The following FDPS variants were observed in gnomAD, a reference collection of about 807,000 sequenced individuals.
FDPS encodes farnesyl pyrophosphate synthase.
FDPS carries 29 observed loss-of-function variants against 49.5 expected under a neutral mutation model. The observed-to-expected ratio is 0.59, with a 90% CI of 0.44 to 0.80. FDPS has a LOEUF of 0.80. Among genes scored for constraint, FDPS ranks in the 30% least tolerant of loss-of-function variants. The pLI, the probability that FDPS is intolerant of heterozygous loss-of-function variation, is 0.00. For synonymous variants in FDPS, 172 were observed against 206.4 expected, an observed-to-expected ratio of 0.83 and a Z score of 1.43; for missense variants, 414 against 525.6, an observed-to-expected ratio of 0.79 and a Z score of 2.08.
chr1:155,309,915 G>T lies in FDPS; in HGVS notation c.126G>T (p.Leu42=). The T allele has an allele frequency of 1.2e-6, 2 of 1,602,170 alleles. No individual in the cohort carries two copies. The highest frequency in any genetic ancestry group is 2.2e-5 in the East Asian group (1 of 44,494). ...RPSLVHGYPV[L]AWHSARCWCQ... is the part of the protein sequence containing the mutation. ...CCCTGGTGCACGGGTACCCAGTCCTGGCCTGGCACAGTGCCCGCTGCTGGT... is the reference window on the plus strand; with the variant it reads ...CCCTGGTGCACGGGTACCCAGTCCTTGCCTGGCACAGTGCCCGCTGCTGGT... Residue 42 remains leucine, a synonymous_variant, in exon 2 of 11, where the codon CTG becomes CTT. Coordinates refer to ENST00000368356, the MANE Select transcript of FDPS (RefSeq NM_002004.4).
intron 1 of FDPS, 46 bp from the exon 2 acceptor site, chr1:155,309,743 G>C: frequency 6.9e-7 from 1 of 1,450,260 alleles, no homozygotes; most frequent in South Asian, 1.5e-5. Context: ...TTTGGTGCTT[G>C]CCCCTGCAGG....
intron 4 of FDPS, chr1:155,316,825 C>A (rs1227936121): frequency 6.6e-6 from 1 of 151,806 alleles, no homozygotes; most frequent in East Asian, 1.9e-4. Flanking sequence ...TTTAAGGAAC[C>A]AAAACATAGT....
chr1:155,319,738 C>T (rs773777378), intron 9 of FDPS, 50 bp downstream of exon 9: 6 of 1,614,028 alleles, frequency 3.7e-6, no homozygotes, highest in South Asian at 1.1e-5. Flanking sequence ...CTTCACTCCT[C>T]CTCTGCCCAG....
chr1:155,316,733 G>A (rs563738480), intron 4 of FDPS: 44 of 151,668 alleles, frequency 2.9e-4, no homozygotes, highest in African/African-American at 9.5e-4. Context: ...GGAGGTTACA[G>A]TGAACCCACA....
intron 4 of FDPS, among the ~76,000 whole-genome samples, chr1:155,314,731 C>T (rs1249527891): frequency 6.6e-6 from 1 of 151,602 alleles, no homozygotes; most frequent in Non-Finnish European, 1.5e-5. Flanking sequence ...CTGCCTCGGC[C>T]TCCCAGAGTA....
intron 8 of FDPS, 129 bp from the exon 9 acceptor site, chr1:155,319,482 G>T (rs1649979826): frequency 4.3e-6 from 4 of 935,560 alleles, no homozygotes; most frequent in Non-Finnish European, 5.0e-6. Flanking sequence ...TCTAGGTCAG[G>T]GAAGCCAAGA....
At chr1:155,314,901 G>A (rs565829996) in intron 4 of FDPS, among the ~76,000 whole-genome samples, 1 of 152,204 alleles carries the variant, frequency 6.6e-6, no homozygotes, top group South Asian at 2.1e-4. Flanking sequence ...GACCATCATG[G>A]TTGAGTGGTG....
chr1:155,319,998 C>A, intron 10 of FDPS, 70 bp downstream of exon 10: 1 of 1,552,384 alleles, frequency 6.4e-7, no homozygotes, highest in Non-Finnish European at 8.8e-7. Context: ...CAACTAGAGG[C>A]AGTTTTCCTC....
chr1:155,312,319 G>A lies in FDPS; in HGVS notation c.404G>A (p.Arg135Gln), dbSNP rs11556432. The stretch of plus-strand genomic sequence containing the variant: ...GGTTTGACGGTGGTAGTAGCATTCC[G>A]GGAGCTGGTGGAGCCAAGGAAACAG... ...NRGLTVVVAF[R>Q]ELVEPRKQDA... Residue 135 changes from arginine to glutamine, a missense_variant, in exon 4 of 11, where the codon CGG becomes CAG. Coordinates refer to ENST00000368356, the MANE Select transcript of FDPS (RefSeq NM_002004.4). The A allele has an allele frequency of 5.6e-6, 9 of 1,614,106 alleles. No individual in the cohort carries two copies. The highest frequency in any genetic ancestry group is 6.8e-6 in the Non-Finnish European group (8 of 1,180,016).
At chr1:155,315,239 A>G in intron 4 of FDPS, among the ~76,000 whole-genome samples, 1 of 152,202 alleles carries the variant, frequency 6.6e-6, no homozygotes, top group East Asian at 1.9e-4. Context: ...GGATGGGATA[A>G]AGTCTTAAAA....
In FDPS at chr1:155,318,484, A is replaced by G. The variant is rs1335702565; in HGVS notation, c.685-181A>G. ...GGCTTCTCTGTCCTGTGTAATTGGA[A>G]GAAAGGGTGATAAAGGACTGTGTGT... On this transcript the variant is annotated intron_variant, in intron 6 of 10. Transcript: ENST00000368356. The surrounding 1 kb of genome is among the most constrained non-coding windows in gnomAD (Gnocchi z 4.2). 1 of 825,274 alleles carries G rather than the reference A, an allele frequency of 1.2e-6. No individual in the cohort carries two copies. Among genetic ancestry groups the G allele is most frequent in the East Asian group, 2.6e-5 (1 of 38,364 alleles). 51.1% of individuals were successfully genotyped at this position (825,274 alleles called of 1,614,324 possible).
At position 155,309,783 on chromosome 1, in the gene FDPS, TCCCAGGATGC is replaced by T. The variant is rs1648586289; in HGVS notation, c.-1-2_7del. ...GCTTAGTGCCCCCTCCCTATGCCAC[TCCCAGGATGC>T]CCCTGTCCCGCTGGTTGAGATCTGT... is the stretch of plus-strand genomic sequence containing the variant. On this transcript the variant is annotated splice_acceptor_variant and splice_polypyrimidine_tract_variant and coding_sequence_variant and 5_prime_UTR_variant and intron_variant, in exon 2 of 11. Coordinates refer to ENST00000368356, the MANE Select transcript of FDPS (RefSeq NM_002004.4). LOFTEE classifies it high-confidence loss of function. 1.3e-6 allele frequency: 2 copies of T among 1,537,234 alleles called. No individual in the cohort carries two copies.
At chr1:155,320,368 G>GGAA in intron 10 of FDPS, 41 bp from the exon 11 acceptor site, 1 of 1,566,012 alleles carries the variant, frequency 6.4e-7, no homozygotes, top group South Asian at 1.1e-5. Flanking sequence ...GAGGCTCTGG[G>GGAA]GAAGGCCAAG....
rs1404325781 is a variant in FDPS, at chr1:155,315,455, G to A, written c.481-2486G>A. Among the ~76,000 whole-genome samples the A allele has an allele frequency of 7.2e-5, 11 of 152,050 alleles. No individual in the cohort carries two copies. In the East Asian group the frequency reaches 1.4e-3, roughly 19 times the overall value. ...AGCACTTTGGGAGGCTGAGGCGGGC[G>A]GATCATGAAGTCAGGAGATCGAGAC... On this transcript the variant is annotated intron_variant, in intron 4 of 10. Coordinates refer to ENST00000368356, the MANE Select transcript of FDPS (RefSeq NM_002004.4).
At position 155,312,412 on chromosome 1, in the gene FDPS, A is replaced by G. The variant is rs1391725577; in HGVS notation, c.480+17A>G. 12 of 1,609,026 alleles carry G rather than the reference A, an allele frequency of 7.5e-6. No individual in the cohort carries two copies. The highest frequency in any genetic ancestry group is 1.0e-5 in the Non-Finnish European group (12 of 1,175,860). Reference sequence around the variant, plus strand: ...GTGGAACTGGTGAGAGGGGTAGGGCAAGGGAGAAGAAGTTTCCTGCAATGG... The same window carrying G: ...GTGGAACTGGTGAGAGGGGTAGGGCGAGGGAGAAGAAGTTTCCTGCAATGG... On this transcript the variant is annotated intron_variant, in intron 4 of 10. Transcript: ENST00000368356.
In FDPS at chr1:155,318,854, A is replaced by G; in HGVS notation, c.774-2A>G. ...AGGAGTTTCTCTTCTCCCCTTACTCAGGTACAAATCTATTGTCAAGTACAA... is the reference window on the plus strand; with the variant it reads ...AGGAGTTTCTCTTCTCCCCTTACTCGGGTACAAATCTATTGTCAAGTACAA... On this transcript the variant is annotated splice_acceptor_variant, in intron 7 of 10. Transcript: ENST00000368356. LOFTEE classifies it high-confidence loss of function. This position sits in a 1 kb window ranked among gnomAD's most constrained non-coding sequence, Gnocchi z 4.2. 6.2e-7 allele frequency: 1 copy of G among 1,611,824 alleles called. No individual in the cohort carries two copies. The highest frequency in any genetic ancestry group is 8.5e-7 in the Non-Finnish European group (1 of 1,177,898).
chr1:155,318,994 C>A lies in FDPS; in HGVS notation c.846+66C>A. On this transcript the variant is annotated intron_variant, in intron 8 of 10. Transcript: ENST00000368356. The surrounding 1 kb of genome is among the most constrained non-coding windows in gnomAD (Gnocchi z 4.2). ...GGCTTTTGGACAGCAAGGCATAGAG[C>A]AGAAAACGTGAACACTGCTACCCCT... 1.6e-6 allele frequency: 2 copies of A among 1,219,400 alleles called. No individual in the cohort carries two copies. Among genetic ancestry groups the A allele is most frequent in the Non-Finnish European group, 2.4e-6 (2 of 824,270 alleles). The allele number at this position is 1,219,400 out of a possible 1,614,324, so 75.5% of individuals were successfully genotyped here.
intron 3 of FDPS, 128 bp from the exon 4 acceptor site, chr1:155,312,127 T>C: frequency 1.9e-6 from 2 of 1,073,912 alleles, no homozygotes; most frequent in Non-Finnish European, 2.8e-6. Context: ...CAGAGGCTCC[T>C]TGAAGAGGAG....
rs1047033632 is a variant in FDPS at position 155,310,189 on chromosome 1, T to C, written c.323T>C (p.Ile108Thr). 5 of 1,613,796 alleles carry C rather than the reference T, an allele frequency of 3.1e-6. No individual in the cohort carries two copies. The highest frequency in any genetic ancestry group is 4.2e-6 in the Non-Finnish European group (5 of 1,179,858). Residue 108 changes from isoleucine to threonine, a missense_variant, in exon 3 of 11, where the codon ATT becomes ACT. Transcript: ENST00000368356. ...GGGCACCCAGAGATAGGAGATGCTA[T>C]TGCCCGGCTCAAGGAGGTGAGGGAT... ...EMGHPEIGDA[I>T]ARLKEVLEYN...
Sources: allele counts gnomAD v4.1 joint callset (sites outside exome capture counted in the v4.1 genomes callset), GRCh38; gene constraint gnomAD v4.1.1; non-coding constraint Gnocchi (gnomAD v3.1); transcripts MANE v1.5; gene names NCBI Gene and HGNC (gene_info 2026-07-23, HGNC 2026-07-21).